The following OPCML variants were observed in gnomAD, a reference collection of about 807,000 sequenced individuals.
OPCML encodes opioid binding protein/cell adhesion molecule like.
OPCML carries 13 observed loss-of-function variants against 37.8 expected under a neutral mutation model. That is an observed-to-expected ratio of 0.34 (90% CI 0.22 to 0.55). The LOEUF (loss-of-function observed/expected upper bound fraction) is 0.55. OPCML is among the 20% of genes least tolerant of loss of function. The pLI is 0.91. For synonymous variants in OPCML, 176 were observed against 168.8 expected, an observed-to-expected ratio of 1.04 and a Z score of -0.33; for missense variants, 341 against 435.6, an observed-to-expected ratio of 0.78 and a Z score of 1.93.
chr11:133,031,725 A>G (rs80006937), intron 1 of OPCML, among the ~76,000 whole-genome samples: 14,561 of 152,190 alleles, frequency 0.096, 1,097 homozygotes, highest in East Asian at 0.3. Context: ...GGATACAGAG[A>G]AGTTCTGGAA....
At chr11:132,520,997 T>C (rs940013783) in intron 4 of OPCML, among the ~76,000 whole-genome samples, 4 of 152,104 alleles carry the variant, frequency 2.6e-5, no homozygotes, top group African/African-American at 7.2e-5. Flanking sequence ...TAATTAATAC[T>C]CCCACCAACA....
At chr11:133,098,372 C>T (rs1949035665) in intron 1 of OPCML, among the ~76,000 whole-genome samples, 3 of 151,956 alleles carry the variant, frequency 2.0e-5, no homozygotes, top group Admixed American at 6.6e-5. Flanking sequence ...CCCGCCACCA[C>T]ACCTGGCTAC....
intron 3 of OPCML, among the ~76,000 whole-genome samples, chr11:132,569,263 A>G (rs2096431735): frequency 6.6e-6 from 1 of 152,236 alleles, no homozygotes; most frequent in African/African-American, 2.4e-5. Context: ...TGTCCTCATA[A>G]GAAGAGGAAA....
At chr11:133,432,667 A>G (rs1946148126) in intron 1 of OPCML, among the ~76,000 whole-genome samples, 1 of 152,206 alleles carries the variant, frequency 6.6e-6, no homozygotes, top group Admixed American at 6.5e-5. Context: ...GGCATATGTT[A>G]GACCTACATG....
intron 4 of OPCML, among the ~76,000 whole-genome samples, chr11:132,488,460 A>G (rs1448409769): frequency 6.6e-6 from 1 of 152,172 alleles, no homozygotes; most frequent in African/African-American, 2.4e-5. Flanking sequence ...ACAAATCTGT[A>G]CTGAATACTG....
intron 2 of OPCML, among the ~76,000 whole-genome samples, chr11:132,765,671 T>A (rs530779558): frequency 6.6e-6 from 1 of 152,278 alleles, no homozygotes; most frequent in African/African-American, 2.4e-5. Flanking sequence ...CAATGAGGAA[T>A]ATGAGTGTGA....
intron 4 of OPCML, among the ~76,000 whole-genome samples, chr11:132,516,449 C>T (rs531220286): frequency 5.9e-5 from 9 of 152,100 alleles, no homozygotes; most frequent in Admixed American, 2.0e-4. Flanking sequence ...GATCGATATA[C>T]GATGGATACA....
At chr11:132,624,529 T>C (rs1196186789) in intron 3 of OPCML, among the ~76,000 whole-genome samples, 1 of 152,176 alleles carries the variant, frequency 6.6e-6, no homozygotes, top group Non-Finnish European at 1.5e-5. Flanking sequence ...TTGTCCTCTA[T>C]GTAACCTCAG....
intron 2 of OPCML, among the ~76,000 whole-genome samples, chr11:132,749,830 A>G (rs905695482): frequency 3.3e-5 from 5 of 152,158 alleles, no homozygotes; most frequent in Admixed American, 3.3e-4. Flanking sequence ...TAAAAAGGAT[A>G]GTGAAACCTA....
intron 1 of OPCML, among the ~76,000 whole-genome samples, chr11:133,327,993 A>C (rs191837348): frequency 5.9e-5 from 9 of 152,238 alleles, no homozygotes; most frequent in Admixed American, 4.6e-4. Flanking sequence ...GATATTCTTC[A>C]GTTTCCGTTT....
intron 2 of OPCML, among the ~76,000 whole-genome samples, chr11:132,727,612 A>C (rs1944932000): frequency 6.6e-6 from 1 of 152,122 alleles, no homozygotes; most frequent in African/African-American, 2.4e-5. Context: ...GTCTTTAAAA[A>C]CATACTGACA....
intron 1 of OPCML, among the ~76,000 whole-genome samples, chr11:133,506,519 T>C (rs1948034067): frequency 6.6e-6 from 1 of 152,186 alleles, no homozygotes; most frequent in Non-Finnish European, 1.5e-5. Context: ...CTCCTCTACC[T>C]GCTCTGGCGT....
chr11:132,554,205 C>T (rs2096389077), intron 3 of OPCML, among the ~76,000 whole-genome samples: 1 of 152,202 alleles, frequency 6.6e-6, no homozygotes, highest in Non-Finnish European at 1.5e-5. Flanking sequence ...TCCTTCACCC[C>T]ATGTCAGTCT....
intron 1 of OPCML, among the ~76,000 whole-genome samples, chr11:133,440,991 G>A (rs1946355257): frequency 6.6e-6 from 1 of 151,336 alleles, no homozygotes; most frequent in Non-Finnish European, 1.5e-5. Flanking sequence ...ATTCTCTGCA[G>A]TATGATTGCC....
chr11:132,962,019 G>C (rs1946102515), intron 1 of OPCML, among the ~76,000 whole-genome samples: 1 of 152,198 alleles, frequency 6.6e-6, no homozygotes, highest in Admixed American at 6.5e-5. Flanking sequence ...ACCTAGTTGA[G>C]TCCAGGACAC....
intron 1 of OPCML, among the ~76,000 whole-genome samples, chr11:133,015,395 T>TGAAG (rs1212156985): frequency 0.28 from 18,931 of 67,952 alleles, 3,476 homozygotes; most frequent in South Asian, 0.36. Context: ...AAGGAAGGAA[T>TGAAG]GAAGGAAGGA....
Position 133,280,540 on chromosome 11 carries a change from A to G in OPCML, c.61+251724T>C, listed in dbSNP as rs1942116918. ...TCAAGACAAGATCAAATCCCCTAAC[A>G]TTTGCGCATATCTCCAGAGCAACAC... On this transcript the variant is annotated intron_variant, in intron 1 of 7. Coordinates refer to ENST00000524381, the MANE Select transcript of OPCML (RefSeq NM_001012393.5). 2.0e-5 allele frequency among the ~76,000 whole-genome samples: 3 copies of G among 152,090 alleles called. No homozygotes were observed. In the South Asian group the frequency reaches 6.2e-4, roughly 32 times the overall value.
chr11:133,493,256 C>T (rs997408543), intron 1 of OPCML, among the ~76,000 whole-genome samples: 4 of 152,198 alleles, frequency 2.6e-5, no homozygotes, highest in Admixed American at 6.5e-5. Context: ...GAGCCTTGCA[C>T]GCCGGGCAGG....
At chr11:133,224,059 G>T (rs1034684796) in intron 1 of OPCML, among the ~76,000 whole-genome samples, 1 of 152,322 alleles carries the variant, frequency 6.6e-6, no homozygotes, top group East Asian at 1.9e-4. Context: ...GGACTCATTT[G>T]CAAGAACTGC....
Sources: gnomAD v4.1 joint callset for allele counts (sites outside exome capture counted in the v4.1 genomes callset) on GRCh38, gnomAD v4.1.1 for gene constraint, MANE v1.5 for transcripts, NCBI Gene and HGNC (gene_info 2026-07-23, HGNC 2026-07-21) for gene names.